PDE4B: variants seen among roughly 807,000 people sequenced by gnomAD.
The protein encoded by PDE4B is 3',5'-cyclic-AMP phosphodiesterase 4B.
Under a neutral mutation model 82.2 loss-of-function variants are expected in PDE4B, and 20 were observed. The ratio of observed to expected loss-of-function variants is 0.24; its 90% CI spans 0.17 to 0.35. The LOEUF (loss-of-function observed/expected upper bound fraction) is 0.35. Among genes scored for constraint, PDE4B ranks in the 10% least tolerant of loss-of-function variants. The probability of loss-of-function intolerance (pLI) is 1.00; values close to 1 mark genes in which losing one functional copy is unlikely to be tolerated. For missense variants in PDE4B, 655 were observed against 907.2 expected, an observed-to-expected ratio of 0.72 and a Z score of 3.57; for synonymous variants, 320 against 318.9, an observed-to-expected ratio of 1.00 and a Z score of -0.04.
intron 3 of PDE4B, among the ~76,000 whole-genome samples, chr1:66,003,591 C>A (rs565144124): frequency 6.6e-6 from 1 of 152,294 alleles, no homozygotes; most frequent in Admixed American, 6.6e-5. Context: ...CTCCTTCCAT[C>A]CTTTCTGATC....
intron 3 of PDE4B, among the ~76,000 whole-genome samples, chr1:65,919,243 T>C (rs1256076542): frequency 1.3e-5 from 2 of 152,244 alleles, no homozygotes; most frequent in Non-Finnish European, 2.9e-5. Flanking sequence ...CTAGCTTCTA[T>C]TTATTATCAT....
At chr1:65,825,664 G>T (rs1418359529) in intron 1 of PDE4B, among the ~76,000 whole-genome samples, 1 of 151,332 alleles carries the variant, frequency 6.6e-6, no homozygotes, top group Admixed American at 6.6e-5. Context: ...TAGGCAACAT[G>T]GACAAACCCC....
At chr1:66,119,534 A>G (rs914816131) in intron 3 of PDE4B, among the ~76,000 whole-genome samples, 3 of 152,200 alleles carry the variant, frequency 2.0e-5, no homozygotes, top group African/African-American at 7.2e-5. Flanking sequence ...ACCAAAATAC[A>G]AAAGCAGTCC....
intron 3 of PDE4B, among the ~76,000 whole-genome samples, chr1:66,072,780 T>C (rs2100931864): frequency 6.6e-6 from 1 of 152,226 alleles, no homozygotes; most frequent in South Asian, 2.1e-4. Context: ...GCAAATCATA[T>C]ATGGTCCTTG....
chr1:66,357,081 C>G (rs2102011242), intron 9 of PDE4B, among the ~76,000 whole-genome samples: 1 of 152,264 alleles, frequency 6.6e-6, no homozygotes, highest in South Asian at 2.1e-4. Context: ...GGACATTTTA[C>G]AGGTTAATGA....
rs2050834985 is a variant in PDE4B, at chr1:66,372,891, A to G, written c.*213A>G. 1 of 540,720 alleles carries G rather than the reference A, an allele frequency of 1.8e-6. No individual in the cohort carries two copies. The highest frequency in any genetic ancestry group is 1.9e-5 in the African/African-American group (1 of 53,136). 33.5% of individuals were successfully genotyped at this position (540,720 alleles called of 1,614,324 possible). A position where few individuals can be genotyped will look rare whatever the true frequency, so the allele number is the denominator to read the frequency against. On this transcript the variant is annotated 3_prime_UTR_variant, in exon 17 of 17. Coordinates refer to ENST00000341517, the MANE Select transcript of PDE4B (RefSeq NM_002600.4). ...CTTGCCTTGATGGCAAGCTTGGTGG[A>G]GAGGGCTGAAGCTGTTGCTGGGGGC...
intron 3 of PDE4B, among the ~76,000 whole-genome samples, chr1:65,928,834 T>C (rs1647666122): frequency 1.3e-5 from 2 of 152,166 alleles, no homozygotes; most frequent in Admixed American, 6.5e-5. Flanking sequence ...TTTTAGTCCA[T>C]ATTTCAGCTA....
intron 3 of PDE4B, among the ~76,000 whole-genome samples, chr1:65,952,819 C>T (rs1649074537): frequency 1.3e-5 from 2 of 152,122 alleles, no homozygotes; most frequent in African/African-American, 4.8e-5. Context: ...ATAGTAATAT[C>T]TACCTTTTAA....
At chr1:66,199,732 C>T (rs1344862637) in intron 3 of PDE4B, among the ~76,000 whole-genome samples, 1 of 152,108 alleles carries the variant, frequency 6.6e-6, no homozygotes, top group Non-Finnish European at 1.5e-5. Context: ...CTACACCTTC[C>T]AGCTCCATAA....
At chr1:66,371,126 AT>A (rs1368080395) in intron 16 of PDE4B, among the ~76,000 whole-genome samples, 1 of 123,900 alleles carries the variant, frequency 8.1e-6, no homozygotes, top group African/African-American at 3.5e-5. Context: ...ATATATATAT[AT>A]ATATATAATT....
At chr1:66,360,530 C>T (rs1662677800) in intron 9 of PDE4B, 1 of 152,214 alleles carries the variant, frequency 6.6e-6, no homozygotes, top group Non-Finnish European at 1.5e-5. Flanking sequence ...TTCACTGTAA[C>T]CAGCGGAGGT....
chr1:66,230,403 G>T (rs1446779113), intron 3 of PDE4B, among the ~76,000 whole-genome samples: 2 of 152,288 alleles, frequency 1.3e-5, no homozygotes, highest in African/African-American at 4.8e-5. Flanking sequence ...TCTTCTGTTG[G>T]CAATGATGAT....
intron 3 of PDE4B, among the ~76,000 whole-genome samples, chr1:66,072,005 C>T (rs1250435502): frequency 6.6e-6 from 1 of 152,074 alleles, no homozygotes; most frequent in Non-Finnish European, 1.5e-5. Flanking sequence ...GTTCTCTTCA[C>T]AGCACCAGTA....
At chr1:65,924,097 C>T (rs1352301032) in intron 3 of PDE4B, among the ~76,000 whole-genome samples, 5 of 1,736 alleles carry the variant, frequency 2.9e-3, no homozygotes, top group Non-Finnish European at 0.053. Flanking sequence ...TTTTTTGAGA[C>T]GGAGTCTCGC....
intron 7 of PDE4B, among the ~76,000 whole-genome samples, chr1:66,313,901 A>C (rs1229638479): frequency 6.6e-6 from 1 of 152,106 alleles, no homozygotes; most frequent in Non-Finnish European, 1.5e-5. Flanking sequence ...AAATCCTTGC[A>C]ACCACGTGGG....
At chr1:65,968,340 G>A (rs1179231314) in intron 3 of PDE4B, among the ~76,000 whole-genome samples, 3 of 152,206 alleles carry the variant, frequency 2.0e-5, no homozygotes, top group Non-Finnish European at 2.9e-5. Context: ...ATTTATTAAT[G>A]TATTCCACAG....
intron 3 of PDE4B, among the ~76,000 whole-genome samples, chr1:66,004,837 GTTTA>G (rs890573243): frequency 5.9e-5 from 9 of 151,812 alleles, no homozygotes; most frequent in South Asian, 2.1e-4. Flanking sequence ...TTATTTATTT[GTTTA>G]TTTATTTATT....
At chr1:66,305,167 A>G (rs1169247791) in intron 7 of PDE4B, among the ~76,000 whole-genome samples, 1 of 152,142 alleles carries the variant, frequency 6.6e-6, no homozygotes, top group African/African-American at 2.4e-5. Flanking sequence ...TTGGAGGGAT[A>G]AGGAAGTGCT....
intron 3 of PDE4B, among the ~76,000 whole-genome samples, chr1:66,220,582 T>C (rs1310868182): frequency 6.6e-6 from 1 of 152,202 alleles, no homozygotes; most frequent in Non-Finnish European, 1.5e-5. Flanking sequence ...TCCTCCCTTT[T>C]TAAGTCATTG....
Sources: gnomAD v4.1 joint callset for allele counts (sites outside exome capture counted in the v4.1 genomes callset) on GRCh38, gnomAD v4.1.1 for gene constraint, MANE v1.5 for transcripts, NCBI Gene and HGNC (gene_info 2026-07-23, HGNC 2026-07-21) for gene names.